EDIL3: variants seen among roughly 807,000 people sequenced by gnomAD.
EDIL3 encodes EGF-like repeat and discoidin I-like domain-containing protein 3.
A neutral mutation model predicts 67.4 loss-of-function variants in EDIL3; 37 were observed. The observed-to-expected ratio is 0.55, with a 90% confidence interval of 0.42 to 0.72. The LOEUF is 0.72. Ranked by LOEUF, EDIL3 falls within the 30% of genes least tolerant of loss-of-function variation. The pLI is 0.00. For missense variants in EDIL3, 527 were observed against 586.3 expected, an observed-to-expected ratio of 0.90 and a Z score of 1.04; for synonymous variants, 195 against 196.3, an observed-to-expected ratio of 0.99 and a Z score of 0.05.
chr5:84,324,016 T>C (rs1746699459), intron 1 of EDIL3, among the ~76,000 whole-genome samples: 2 of 151,772 alleles, frequency 1.3e-5, no homozygotes, highest in Non-Finnish European at 2.9e-5. Context: ...AGACAGAATA[T>C]TAGTAAAAAA....
chr5:84,057,647 C>T lies in EDIL3; in HGVS notation c.1137+2653G>A, dbSNP rs116545437. On this transcript the variant is annotated intron_variant, in intron 9 of 10. Transcript: ENST00000296591. Reference sequence around the variant, plus strand: ...TTCCTTATTTAAAAAAAAGTCAGCTCTTCAACAAGAAATTTTAAATGTATC... The same window carrying T: ...TTCCTTATTTAAAAAAAAGTCAGCTTTTCAACAAGAAATTTTAAATGTATC... Among the ~76,000 whole-genome samples the T allele has an allele frequency of 7.3e-3, 1,106 of 152,188 alleles. 17 individuals are homozygous for T. The highest frequency in any genetic ancestry group is 0.026 in the African/African-American group (1,069 of 41,540).
chr5:84,062,076 T>C (rs1299319070), intron 8 of EDIL3, among the ~76,000 whole-genome samples: 4 of 152,146 alleles, frequency 2.6e-5, no homozygotes, highest in Non-Finnish European at 5.9e-5. Flanking sequence ...CATGGAGGGC[T>C]GTGTGTCTTA....
chr5:84,098,756 T>C (rs780747123), intron 6 of EDIL3, among the ~76,000 whole-genome samples: 1 of 152,068 alleles, frequency 6.6e-6, no homozygotes, highest in Admixed American at 6.6e-5. Context: ...ACACAGCTAA[T>C]GCAGTGTTAA....
intron 1 of EDIL3, among the ~76,000 whole-genome samples, chr5:84,318,228 C>T (rs984550444): frequency 6.6e-6 from 1 of 152,188 alleles, no homozygotes; most frequent in African/African-American, 2.4e-5. Flanking sequence ...AATGGCCATA[C>T]TGCCCAAATT....
intron 1 of EDIL3, among the ~76,000 whole-genome samples, chr5:84,291,705 T>C (rs1480479958): frequency 1.4e-5 from 2 of 144,648 alleles, no homozygotes; most frequent in East Asian, 4.1e-4. Flanking sequence ...TATCTATCTA[T>C]GTAGATCTAT....
intron 1 of EDIL3, among the ~76,000 whole-genome samples, chr5:84,342,091 AT>A (rs1475586814): frequency 3.9e-5 from 6 of 152,152 alleles, no homozygotes; most frequent in Non-Finnish European, 7.4e-5. Flanking sequence ...AACAACAAAG[AT>A]ACGGAATCAA....
intron 9 of EDIL3, among the ~76,000 whole-genome samples, chr5:83,987,799 G>A (rs1421281806): frequency 2.0e-5 from 3 of 150,940 alleles, no homozygotes; most frequent in Non-Finnish European, 4.4e-5. Context: ...GAAAGATAAT[G>A]TAAAAATTCT....
intron 1 of EDIL3, among the ~76,000 whole-genome samples, chr5:84,320,373 C>G (rs1167821466): frequency 6.6e-6 from 1 of 152,024 alleles, no homozygotes; most frequent in African/African-American, 2.4e-5. Context: ...AGCTGAAAGT[C>G]AGGGTGCACC....
At chr5:84,006,610 T>G (rs1745421854) in intron 9 of EDIL3, among the ~76,000 whole-genome samples, 1 of 152,080 alleles carries the variant, frequency 6.6e-6, no homozygotes, top group Non-Finnish European at 1.5e-5. Flanking sequence ...TTTAAAAAAG[T>G]ACTTAACAGG....
At chr5:83,998,072 AT>A (rs1197113112) in intron 9 of EDIL3, among the ~76,000 whole-genome samples, 2 of 152,136 alleles carry the variant, frequency 1.3e-5, no homozygotes, top group African/African-American at 4.8e-5. Context: ...AAGGACTTTA[AT>A]TTATGGAAAA....
At chr5:84,138,047 A>G (rs1273610610) in intron 4 of EDIL3, among the ~76,000 whole-genome samples, 2 of 152,246 alleles carry the variant, frequency 1.3e-5, no homozygotes, top group Admixed American at 6.5e-5. Flanking sequence ...AATTTTGGAC[A>G]ACAGAGAAAA....
intron 5 of EDIL3, among the ~76,000 whole-genome samples, chr5:84,110,073 T>C (rs545828854): frequency 2.0e-5 from 3 of 152,170 alleles, no homozygotes; most frequent in Non-Finnish European, 4.4e-5. Flanking sequence ...AGGAGCTAGG[T>C]ATTTCTCACT....
intron 4 of EDIL3, among the ~76,000 whole-genome samples, chr5:84,143,561 T>A (rs1181499540): frequency 6.6e-6 from 1 of 152,094 alleles, no homozygotes; most frequent in African/African-American, 2.4e-5. Context: ...GCAGGCAATA[T>A]TCATCCCAAT....
intron 8 of EDIL3, among the ~76,000 whole-genome samples, chr5:84,061,711 A>C (rs114213831): frequency 2.1e-3 from 318 of 152,274 alleles, no homozygotes; most frequent in African/African-American, 7.2e-3. Flanking sequence ...AATAAACATA[A>C]AGTACTTAGA....
chr5:84,303,503 T>C (rs951447403), intron 1 of EDIL3, among the ~76,000 whole-genome samples: 20 of 152,300 alleles, frequency 1.3e-4, no homozygotes, highest in Middle Eastern at 3.4e-3. Flanking sequence ...ACAAGTTGAA[T>C]TACATTCATG....
chr5:83,983,589 T>C (rs1461300531), intron 9 of EDIL3, among the ~76,000 whole-genome samples: 3 of 152,036 alleles, frequency 2.0e-5, no homozygotes, highest in African/African-American at 4.8e-5. Flanking sequence ...CATTGTGCAA[T>C]ACAAACTTTG....
At chr5:84,039,172 T>C (rs1746076622) in intron 9 of EDIL3, among the ~76,000 whole-genome samples, 1 of 152,026 alleles carries the variant, frequency 6.6e-6, no homozygotes, top group African/African-American at 2.4e-5. Flanking sequence ...TTAAATGCCA[T>C]CCAGTGACAA....
chr5:83,960,522 C>T (rs978250500), intron 10 of EDIL3, among the ~76,000 whole-genome samples: 2 of 150,958 alleles, frequency 1.3e-5, no homozygotes, highest in Non-Finnish European at 3.0e-5. Context: ...AAGTATGATA[C>T]ATCAATTTAA....
intron 6 of EDIL3, among the ~76,000 whole-genome samples, chr5:84,076,236 T>C (rs1430268408): frequency 6.6e-6 from 1 of 152,086 alleles, no homozygotes; most frequent in Non-Finnish European, 1.5e-5. Context: ...GGTTGCAATA[T>C]AGGAAGAAAA....
Sources: allele counts gnomAD v4.1 joint callset (sites outside exome capture counted in the v4.1 genomes callset), GRCh38; gene constraint gnomAD v4.1.1; transcripts MANE v1.5; gene names NCBI Gene and HGNC (gene_info 2026-07-23, HGNC 2026-07-21).